Variants in DCC observed in about 807,000 individuals in gnomAD.
DCC encodes DCC netrin 1 receptor, also known as netrin receptor DCC.
Under a neutral mutation model 172.5 loss-of-function variants are expected in DCC, and 58 were observed. That is an observed-to-expected ratio of 0.34 (90% CI 0.27 to 0.42). The LOEUF (loss-of-function observed/expected upper bound fraction) is 0.42, where lower values mean the gene tolerates loss of function less well. DCC is among the 10% of genes least tolerant of loss of function. DCC has a pLI of 1.00. For missense variants in DCC, 1,740 were observed against 1,791.0 expected (o/e 0.97, Z 0.51); for synonymous variants, 709 against 644.5 (o/e 1.10, Z -1.52).
chr18:52,856,421 C>G (rs933463402), intron 2 of DCC, among the ~76,000 whole-genome samples: 13 of 151,408 alleles, frequency 8.6e-5, no homozygotes, highest in African/African-American at 3.1e-4. Context: ...GTCAGGAGAT[C>G]AAGACCATCC....
At chr18:53,100,948 G>A (rs1306411789) in intron 7 of DCC, among the ~76,000 whole-genome samples, 1 of 140,774 alleles carries the variant, frequency 7.1e-6, no homozygotes, top group Non-Finnish European at 1.5e-5. Flanking sequence ...TATGTAATGG[G>A]TGTCGTTACT....
chr18:53,227,724 C>T, intron 12 of DCC, among the ~76,000 whole-genome samples: 1 of 152,160 alleles, frequency 6.6e-6, no homozygotes, highest in East Asian at 1.9e-4. Context: ...GTGTCTTCTA[C>T]AAATAACTTT....
At chr18:52,664,887 C>A (rs542618391) in intron 1 of DCC, among the ~76,000 whole-genome samples, 1 of 152,200 alleles carries the variant, frequency 6.6e-6, no homozygotes, top group South Asian at 2.1e-4. Flanking sequence ...AGATGCAGCC[C>A]CCATTTGGGT....
intron 1 of DCC, among the ~76,000 whole-genome samples, chr18:52,466,634 G>A (rs993393371): frequency 6.6e-6 from 1 of 152,054 alleles, no homozygotes; most frequent in Non-Finnish European, 1.5e-5. Context: ...GTCTGTAATA[G>A]CAATATTGGC....
Position 52,803,318 on chromosome 18 carries a change from G to A in DCC, c.412+50944G>A, listed in dbSNP as rs565306498. ...TCTGTGGAGATGATGAGCATCACACGGCATTTTAAGTGGATACTCACAACA... is the reference window on the plus strand; with the variant it reads ...TCTGTGGAGATGATGAGCATCACACAGCATTTTAAGTGGATACTCACAACA... On this transcript the variant is annotated intron_variant, in intron 2 of 28. Transcript: ENST00000442544. Among the ~76,000 whole-genome samples, 7 of 152,236 alleles carry A rather than the reference G, an allele frequency of 4.6e-5. No individual in the cohort carries two copies. The East Asian group carries it at 1.2e-3, about 25-fold the overall frequency.
At chr18:52,937,867 C>T (rs2040403450) in intron 5 of DCC, among the ~76,000 whole-genome samples, 1 of 152,016 alleles carries the variant, frequency 6.6e-6, no homozygotes, top group Admixed American at 6.6e-5. Flanking sequence ...CTCCAGTGTA[C>T]ACTTGAGGGT....
intron 2 of DCC, among the ~76,000 whole-genome samples, chr18:52,811,689 TAAG>T (rs773645925): frequency 5.9e-5 from 9 of 152,286 alleles, no homozygotes; most frequent in South Asian, 2.1e-4. Flanking sequence ...TTATAAATTA[TAAG>T]AAGAGATCAT....
At chr18:52,776,493 A>G (rs1037073660) in intron 2 of DCC, among the ~76,000 whole-genome samples, 2 of 152,152 alleles carry the variant, frequency 1.3e-5, no homozygotes, top group Non-Finnish European at 2.9e-5. Context: ...CAAGAGTTCT[A>G]GAGTATCCGG....
At chr18:53,190,687 C>T (rs1365079445) in intron 9 of DCC, among the ~76,000 whole-genome samples, 4 of 152,194 alleles carry the variant, frequency 2.6e-5, no homozygotes, top group African/African-American at 9.7e-5. Flanking sequence ...TGGTTCACGC[C>T]TGTAATCCCA....
intron 2 of DCC, among the ~76,000 whole-genome samples, chr18:52,806,911 T>A (rs2038096501): frequency 6.6e-6 from 1 of 151,874 alleles, no homozygotes; most frequent in Non-Finnish European, 1.5e-5. Flanking sequence ...ATATGCAGAG[T>A]TGGTTAGGTG....
chr18:53,157,540 C>G (rs1031064692), intron 8 of DCC, 28 bp downstream of exon 8: 1 of 1,612,036 alleles, frequency 6.2e-7, no homozygotes, highest in African/African-American at 1.3e-5. Context: ...TAAAATTCAG[C>G]TTAATCGGTC....
At chr18:53,450,099 G>A (rs1456439728) in intron 22 of DCC, among the ~76,000 whole-genome samples, 1 of 147,640 alleles carries the variant, frequency 6.8e-6, no homozygotes, top group East Asian at 2.0e-4. Context: ...TTTATGCCTG[G>A]GTAATATTCC....
intron 12 of DCC, among the ~76,000 whole-genome samples, chr18:53,220,890 T>C (rs1317686183): frequency 6.6e-6 from 1 of 152,122 alleles, no homozygotes; most frequent in African/African-American, 2.4e-5. Flanking sequence ...AGCATAATTG[T>C]AAGGAAGGCA....
intron 2 of DCC, among the ~76,000 whole-genome samples, chr18:52,857,579 T>A (rs749955098): frequency 2.0e-5 from 3 of 152,144 alleles, no homozygotes; most frequent in Non-Finnish European, 4.4e-5. Context: ...TATAGGGTAA[T>A]TCGAATTTAA....
At position 53,532,626 on chromosome 18, in the gene DCC, T is replaced by C. The variant is rs1236241932; in HGVS notation, c.*1973T>C. ...ATTACTTCAAAAAAGAAAATATTCA[T>C]TGGGCTAGCCCAACCTTCTCTAGGC... On this transcript the variant is annotated 3_prime_UTR_variant, in exon 29 of 29. Transcript: ENST00000442544. 1.3e-5 allele frequency: 2 copies of C among 152,234 alleles called. No individual in the cohort carries two copies. Among genetic ancestry groups the C allele is most frequent in the South Asian group, 2.1e-4 (1 of 4,838 alleles). 9.4% of individuals were successfully genotyped at this position (152,234 alleles called of 1,614,324 possible).
chr18:52,545,043 G>A (rs985682036), intron 1 of DCC, among the ~76,000 whole-genome samples: 1 of 152,130 alleles, frequency 6.6e-6, no homozygotes, highest in Admixed American at 6.5e-5. Context: ...TGGATAAGAA[G>A]GAAAAAATAT....
intron 19 of DCC, among the ~76,000 whole-genome samples, chr18:53,404,206 C>T (rs62100024): frequency 0.42 from 64,466 of 151,722 alleles, 15,455 homozygotes; most frequent in Non-Finnish European, 0.55. Context: ...AGTAATAAGT[C>T]TGAGGAGAAA....
chr18:53,349,190 C>G (rs192034800), intron 15 of DCC, among the ~76,000 whole-genome samples: 39 of 152,320 alleles, frequency 2.6e-4, no homozygotes, highest in Admixed American at 9.8e-4. Flanking sequence ...TCATCTCCCT[C>G]AAGTTGAAAG....
At chr18:52,636,318 G>C (rs948754095) in intron 1 of DCC, among the ~76,000 whole-genome samples, 1 of 152,136 alleles carries the variant, frequency 6.6e-6, no homozygotes, top group Non-Finnish European at 1.5e-5. Context: ...AAATTTGAAC[G>C]GGGTGAGAAG....
Sources: gnomAD v4.1 joint callset for allele counts (sites outside exome capture counted in the v4.1 genomes callset) on GRCh38, gnomAD v4.1.1 for gene constraint, MANE v1.5 for transcripts, NCBI Gene and HGNC (gene_info 2026-07-23, HGNC 2026-07-21) for gene names.